Variants in IGSF10 observed in about 807,000 individuals in gnomAD.
IGSF10 encodes calvaria mechanical force protein 608.
A neutral mutation model predicts 128.2 loss-of-function variants in IGSF10; 126 were observed. That is an observed-to-expected ratio of 0.98 (90% CI 0.85 to 1.14). The LOEUF (loss-of-function observed/expected upper bound fraction) is 1.14. Ranked by LOEUF, IGSF10 falls within the 50% of genes most tolerant of loss-of-function variation. The pLI, the probability that IGSF10 is intolerant of heterozygous loss-of-function variation, is 0.00. For synonymous variants in IGSF10, 1,185 were observed against 1,146.2 expected, an observed-to-expected ratio of 1.03 and a Z score of -0.68; for missense variants, 3,295 against 3,149.8, an observed-to-expected ratio of 1.05 and a Z score of -1.10.
the IGSF10 span, among the ~76,000 whole-genome samples, chr3:151,479,767 T>C: frequency 1.3e-5 from 2 of 152,168 alleles, no homozygotes; most frequent in Non-Finnish European, 2.9e-5. Flanking sequence ...ATGGAGTGAA[T>C]GAAAGGTCTG....
chr3:151,452,580 GTGTGA>G (rs371239236), intron 5 of IGSF10, among the ~76,000 whole-genome samples: 57 of 152,202 alleles, frequency 3.7e-4, no homozygotes, highest in African/African-American at 1.2e-3. Context: ...AGTATGCAGT[GTGTGA>G]TTATGTGTGT....
At chr3:151,612,216 T>C in the IGSF10 span, among the ~76,000 whole-genome samples, 1 of 152,220 alleles carries the variant, frequency 6.6e-6, no homozygotes, top group Non-Finnish European at 1.5e-5. Context: ...CCAAACTTGC[T>C]GAAATCTCAG....
At chr3:151,601,039 A>G in the IGSF10 span, among the ~76,000 whole-genome samples, 2 of 152,030 alleles carry the variant, frequency 1.3e-5, no homozygotes, top group African/African-American at 2.4e-5. Flanking sequence ...GGAAAAAAAA[A>G]AAAAGAAACA....
At chr3:151,498,592 C>T in the IGSF10 span, among the ~76,000 whole-genome samples, 1 of 152,018 alleles carries the variant, frequency 6.6e-6, no homozygotes, top group South Asian at 2.1e-4. Context: ...GCAGAAAAGG[C>T]CTTTGAAGTG....
chr3:151,432,796 C>G, downstream of IGSF10: 1 of 1,613,096 alleles, frequency 6.2e-7, no homozygotes, highest in Non-Finnish European at 8.5e-7. Flanking sequence ...GCATCCTTCA[C>G]ACTTCTGAAT....
chr3:151,555,465 G>A, the IGSF10 span, among the ~76,000 whole-genome samples: 1 of 152,020 alleles, frequency 6.6e-6, no homozygotes, highest in Admixed American at 6.6e-5. Context: ...TGGGATTAAG[G>A]AAATGATCAA....
chr3:151,599,966 T>G, the IGSF10 span, among the ~76,000 whole-genome samples: 1 of 152,306 alleles, frequency 6.6e-6, no homozygotes, highest in African/African-American at 2.4e-5. Flanking sequence ...GGGCTGGATA[T>G]GTATTGATTG....
intron 4 of IGSF10, 31 bp from the exon 5 acceptor site, chr3:151,453,805 T>TC: frequency 7.4e-7 from 1 of 1,353,078 alleles, no homozygotes; most frequent in South Asian, 1.5e-5. Flanking sequence ...CATATTTATG[T>TC]TGTCAAAGGA....
chr3:151,514,771 GA>G, the IGSF10 span, among the ~76,000 whole-genome samples: 2 of 151,798 alleles, frequency 1.3e-5, no homozygotes, highest in Non-Finnish European at 2.9e-5. Context: ...AAATTTACAA[GA>G]AAAAAACAAA....
the IGSF10 span, among the ~76,000 whole-genome samples, chr3:151,518,937 C>T: frequency 5.3e-5 from 8 of 151,744 alleles, no homozygotes; most frequent in Admixed American, 2.6e-4. Context: ...TTCCTCTTAC[C>T]AAAATGGTGA....
At chr3:151,535,197 A>C in the IGSF10 span, among the ~76,000 whole-genome samples, 1 of 152,320 alleles carries the variant, frequency 6.6e-6, no homozygotes, top group South Asian at 2.1e-4. Context: ...TTTTATTCCT[A>C]GTAGAGGTAT....
intron 7 of IGSF10, among the ~76,000 whole-genome samples, chr3:151,439,978 A>G (rs1054345943): frequency 6.6e-6 from 1 of 152,208 alleles, no homozygotes; most frequent in Non-Finnish European, 1.5e-5. Context: ...TCATAGCATA[A>G]GTGCTAACCA....
At chr3:151,479,867 C>G in the IGSF10 span, among the ~76,000 whole-genome samples, 1 of 152,042 alleles carries the variant, frequency 6.6e-6, no homozygotes, top group Non-Finnish European at 1.5e-5. Context: ...CATTTCTAGT[C>G]TTATACCAGG....
In IGSF10 at chr3:151,453,453, G is replaced by T. The variant is rs777553899; in HGVS notation, c.646C>A (p.Leu216Met). 1 of 1,613,784 alleles carries T rather than the reference G, an allele frequency of 6.2e-7. No individual in the cohort carries two copies. Among genetic ancestry groups the T allele is most frequent in the African/African-American group, 1.3e-5 (1 of 74,902 alleles). The change falls in exon 5 of 8, where the codon CTG becomes ATG. Residue 216 changes from leucine (L) to methionine (M), a missense_variant. Leu to Met is a conservative substitution (Grantham distance 15). Coordinates refer to ENST00000282466, the MANE Select transcript of IGSF10 (RefSeq NM_178822.5). ...SYMPDLDSLY[L>M]HGNPWTCDCH... ...TCACAGGTCCATGGGTTTCCATGCA[G>T]GTAAAGGCTGTCTAGGTCAGGCATA... is the stretch of plus-strand genomic sequence containing the variant.
At chr3:151,599,434 G>A in the IGSF10 span, among the ~76,000 whole-genome samples, 1 of 152,146 alleles carries the variant, frequency 6.6e-6, no homozygotes, top group Non-Finnish European at 1.5e-5. Context: ...TTAGAGCTTA[G>A]CAATATCTTT....
At chr3:151,439,644 C>G (rs761082048) in intron 7 of IGSF10, among the ~76,000 whole-genome samples, 11 of 152,204 alleles carry the variant, frequency 7.2e-5, no homozygotes, top group Non-Finnish European at 1.6e-4. Context: ...TGTTAGAATA[C>G]CAACGCAAGG....
chr3:151,481,719 C>A, the IGSF10 span, among the ~76,000 whole-genome samples: 1 of 152,174 alleles, frequency 6.6e-6, no homozygotes, highest in Non-Finnish European at 1.5e-5. Flanking sequence ...CACCTATGTC[C>A]TGGATTGCAG....
At chr3:151,510,390 C>G in the IGSF10 span, among the ~76,000 whole-genome samples, 1 of 152,208 alleles carries the variant, frequency 6.6e-6, no homozygotes, top group African/African-American at 2.4e-5. Flanking sequence ...CTCCAACAGA[C>G]CTGCAGTCTG....
At chr3:151,546,436 C>G in the IGSF10 span, among the ~76,000 whole-genome samples, 4 of 152,018 alleles carry the variant, frequency 2.6e-5, no homozygotes, top group African/African-American at 9.7e-5. Flanking sequence ...TAGCCTTGAC[C>G]CTCAGGGCTC....
Sources: allele counts gnomAD v4.1 joint callset (sites outside exome capture counted in the v4.1 genomes callset), GRCh38; gene constraint gnomAD v4.1.1; transcripts MANE v1.5; gene names NCBI Gene and HGNC (gene_info 2026-07-23, HGNC 2026-07-21).